Variants in SLC22A3 observed in about 807,000 individuals in gnomAD.
The protein encoded by SLC22A3 is EMT organic cation transporter 3.
In SLC22A3, 51 loss-of-function variants were observed where a neutral mutation model predicts 59.1. That is an observed-to-expected ratio of 0.86 (90% CI 0.69 to 1.09). The LOEUF (loss-of-function observed/expected upper bound fraction) is 1.09, where lower values mean the gene tolerates loss of function less well. Among genes scored for constraint, SLC22A3 ranks in the 50% least tolerant of loss-of-function variants. The pLI, the probability that SLC22A3 is intolerant of heterozygous loss-of-function variation, is 0.00. For missense variants in SLC22A3, 711 were observed against 726.3 expected, an observed-to-expected ratio of 0.98 and a Z score of 0.24; for synonymous variants, 325 against 292.0, an observed-to-expected ratio of 1.11 and a Z score of -1.15.
At chr6:160,404,866 C>CA (rs35421179) in intron 2 of SLC22A3, among the ~76,000 whole-genome samples, 3,329 of 107,104 alleles carry the variant, frequency 0.031, 120 homozygotes, top group Middle Eastern at 0.1. Context: ...CAACCACATG[C>CA]AAAAAAAAAA....
Position 160,358,701 on chromosome 6 carries a change from G to A in SLC22A3, c.429+9853G>A, listed in dbSNP as rs192662891. 4.7e-4 allele frequency among the ~76,000 whole-genome samples: 71 copies of A among 152,362 alleles called. 1 individual carries two copies. In the East Asian group the frequency reaches 0.011, roughly 24 times the overall value. ...TGCAGGAACCGCTGAGCATGTGGAA[G>A]GTCCTGGGCACATGCCAGTTCCCTC... On this transcript the variant is annotated intron_variant, in intron 1 of 10. Transcript: ENST00000275300.
chr6:160,367,401 A>G (rs1308924360), intron 1 of SLC22A3, among the ~76,000 whole-genome samples: 4 of 152,230 alleles, frequency 2.6e-5, no homozygotes, highest in Non-Finnish European at 5.9e-5. Flanking sequence ...CTAGAATTCA[A>G]GATGAGATTT....
intron 1 of SLC22A3, among the ~76,000 whole-genome samples, chr6:160,359,858 G>A (rs1439312895): frequency 6.6e-6 from 1 of 152,122 alleles, no homozygotes. Flanking sequence ...AAGATTTTCT[G>A]TAAAGAACTG....
At chr6:160,392,048 T>C (rs1786279487) in intron 1 of SLC22A3, among the ~76,000 whole-genome samples, 4 of 152,206 alleles carry the variant, frequency 2.6e-5, no homozygotes, top group African/African-American at 7.2e-5. Context: ...TGCATTAAAC[T>C]AAATCACCCC....
At chr6:160,391,503 A>G (rs1049961264) in intron 1 of SLC22A3, among the ~76,000 whole-genome samples, 1 of 152,158 alleles carries the variant, frequency 6.6e-6, no homozygotes, top group African/African-American at 2.4e-5. Context: ...CATCTTACAG[A>G]TAGGAACACA....
chr6:160,396,321 G>T (rs1027777547), intron 1 of SLC22A3, among the ~76,000 whole-genome samples: 7 of 152,228 alleles, frequency 4.6e-5, no homozygotes, highest in African/African-American at 1.7e-4. Flanking sequence ...AATGACTGAT[G>T]ACTTAATTAA....
chr6:160,394,775 A>G (rs1786405646), intron 1 of SLC22A3, among the ~76,000 whole-genome samples: 1 of 151,640 alleles, frequency 6.6e-6, no homozygotes, highest in Admixed American at 6.6e-5. Flanking sequence ...CAGTTCCTGC[A>G]GTGTCCTGCC....
intron 1 of SLC22A3, among the ~76,000 whole-genome samples, chr6:160,394,131 T>C (rs1187544442): frequency 4.6e-5 from 7 of 152,226 alleles, no homozygotes; most frequent in Non-Finnish European, 1.0e-4. Flanking sequence ...TTTTTGCATG[T>C]GTATACTTTG....
rs1045263015 is a variant in SLC22A3 at position 160,348,648 on chromosome 6, G to A, written c.229G>A (p.Ala77Thr). ...PEEEWNRTAP[A>T]SRGPEPPERR... ...GGAGGAGTGGAACCGCACGGCGCCC[G>A]CCTCCCGCGGCCCAGAGCCCCCCGA... Residue 77 changes from alanine (A) to threonine (T), a missense_variant, in exon 1 of 11, where the codon GCC becomes ACC. Ala to Thr is a moderately conservative substitution (Grantham distance 58). Transcript: ENST00000275300. 3.3e-6 allele frequency: 5 copies of A among 1,503,016 alleles called. No homozygotes were observed. The highest frequency in any genetic ancestry group is 4.4e-6 in the Non-Finnish European group (5 of 1,133,794). The allele number at this position is 1,503,016 out of a possible 1,614,324, so 93.1% of individuals were successfully genotyped here.
At chr6:160,384,894 C>A (rs1010216875) in intron 1 of SLC22A3, among the ~76,000 whole-genome samples, 1 of 152,218 alleles carries the variant, frequency 6.6e-6, no homozygotes, top group Admixed American at 6.5e-5. Context: ...AGTGGGCTTT[C>A]TCTGGGCTCC....
At chr6:160,400,784 A>G (rs1400180450) in intron 2 of SLC22A3, among the ~76,000 whole-genome samples, 2 of 152,118 alleles carry the variant, frequency 1.3e-5, no homozygotes, top group African/African-American at 2.4e-5. Flanking sequence ...AGTCTGATGC[A>G]TAAAGTAGCA....
At chr6:160,439,547 A>G (rs1045808625) in intron 7 of SLC22A3, among the ~76,000 whole-genome samples, 4 of 152,246 alleles carry the variant, frequency 2.6e-5, no homozygotes, top group African/African-American at 9.6e-5. Context: ...TCAAGACAGA[A>G]GTAACTAGCC....
At chr6:160,355,024 G>A (rs151251184) in intron 1 of SLC22A3, among the ~76,000 whole-genome samples, 21 of 152,322 alleles carry the variant, frequency 1.4e-4, no homozygotes, top group South Asian at 4.1e-4. Flanking sequence ...AAGGATATGC[G>A]TTCCTGGAGG....
intron 5 of SLC22A3, among the ~76,000 whole-genome samples, chr6:160,436,284 G>A (rs1054661123): frequency 6.6e-6 from 1 of 152,160 alleles, no homozygotes; most frequent in Non-Finnish European, 1.5e-5. Context: ...TTTCTTGGAT[G>A]GCCAGCTAGA....
chr6:160,448,585 G>C (rs1201455478), intron 10 of SLC22A3, among the ~76,000 whole-genome samples: 1 of 152,112 alleles, frequency 6.6e-6, no homozygotes, highest in Non-Finnish European at 1.5e-5. Context: ...GAGTTTTGGA[G>C]GGGGGTGTTT....
intron 5 of SLC22A3, among the ~76,000 whole-genome samples, chr6:160,411,972 T>C (rs887948434): frequency 6.6e-6 from 1 of 152,204 alleles, no homozygotes; most frequent in Non-Finnish European, 1.5e-5. Context: ...TTGGATGATA[T>C]GAATCTTGAT....
At chr6:160,437,359 T>A in intron 7 of SLC22A3, 148 bp downstream of exon 7, 1 of 803,734 alleles carries the variant, frequency 1.2e-6, no homozygotes, top group Non-Finnish European at 2.1e-6. Context: ...TTAATCAGCA[T>A]AAAAACTTCG....
intron 9 of SLC22A3, among the ~76,000 whole-genome samples, chr6:160,444,687 G>A (rs1436520116): frequency 6.6e-6 from 1 of 152,242 alleles, no homozygotes; most frequent in Non-Finnish European, 1.5e-5. Context: ...CTCTTCTGCA[G>A]TAAAGGATAC....
chr6:160,381,340 A>T (rs1298098198), intron 1 of SLC22A3, among the ~76,000 whole-genome samples: 4 of 152,194 alleles, frequency 2.6e-5, no homozygotes, highest in Non-Finnish European at 5.9e-5. Flanking sequence ...GCATTCTGAA[A>T]CTTGAACTTC....
Sources: allele counts gnomAD v4.1 joint callset (sites outside exome capture counted in the v4.1 genomes callset), GRCh38; gene constraint gnomAD v4.1.1; transcripts MANE v1.5; gene names NCBI Gene and HGNC (gene_info 2026-07-23, HGNC 2026-07-21).